ELANE: variants seen among roughly 807,000 people sequenced by gnomAD.
ELANE encodes the protein neutrophil elastase.
A neutral mutation model predicts 20.6 loss-of-function variants in ELANE; 12 were observed. That is an observed-to-expected ratio of 0.58 (90% CI 0.37 to 0.94). ELANE has a LOEUF of 0.94. Among genes scored for constraint, ELANE ranks in the 40% least tolerant of loss-of-function variants. ELANE has a pLI of 0.01. For synonymous variants in ELANE, 203 were observed against 177.4 expected, an observed-to-expected ratio of 1.14 and a Z score of -1.15; for missense variants, 388 against 395.2, an observed-to-expected ratio of 0.98 and a Z score of 0.15.
intron 3 of ELANE, among the ~76,000 whole-genome samples, chr19:854,299 T>A (rs928612724): frequency 6.6e-6 from 1 of 151,276 alleles, no homozygotes; most frequent in Non-Finnish European, 1.5e-5. Context: ...AAAAAAAAAA[T>A]TAGCCGAGTG....
intron 2 of ELANE, 41 bp downstream of exon 2, chr19:853,073 G>T: frequency 2.0e-6 from 3 of 1,528,158 alleles, no homozygotes; most frequent in Non-Finnish European, 2.6e-6. Context: ...CGGACCCCGC[G>T]TCCCGGTCTG....
intron 2 of ELANE, 66 bp downstream of exon 2, chr19:853,098 G>T: frequency 6.6e-7 from 1 of 1,516,554 alleles, no homozygotes. Flanking sequence ...GTGGGTGGGG[G>T]GAGGCCGGGG....
Position 855,875 on chromosome 19 carries a change from G to C in ELANE, c.597+81G>C, listed in dbSNP as rs569826547. ...AACAGGCACCGTGGCTAGACCCTAG[G>C]AGGGACTTCCCAACCCTGACAGGCG... On this transcript the variant is annotated intron_variant, in intron 4 of 4. Coordinates refer to ENST00000263621, the MANE Select transcript of ELANE (RefSeq NM_001972.4). This position sits in a 1 kb window ranked among gnomAD's most constrained non-coding sequence, Gnocchi z 6.2. 1 of 1,605,546 alleles carries C rather than the reference G, an allele frequency of 6.2e-7. No homozygotes were observed. The highest frequency in any genetic ancestry group is 8.5e-7 in the Non-Finnish European group (1 of 1,177,830).
intron 3 of ELANE, among the ~76,000 whole-genome samples, chr19:854,628 G>C (rs1005041908): frequency 2.7e-5 from 4 of 148,268 alleles, no homozygotes; most frequent in Non-Finnish European, 3.0e-5. Context: ...GGTCCACCAC[G>C]TCTGGCTAAT....
In ELANE at chr19:853,268, C is replaced by T. The variant is rs1211839395; in HGVS notation, c.231C>T (p.Val77=). The T allele has an allele frequency of 3.7e-6, 6 of 1,601,582 alleles. No homozygotes were observed. The highest frequency in any genetic ancestry group is 5.1e-6 in the Non-Finnish European group (6 of 1,174,856). Reference sequence around the variant, plus strand: ...GCCTCTCCCTCCCCGGCAGAAACGTCCGCGCGGTGCGGGTGGTCCTGGGAG... The same window carrying T: ...GCCTCTCCCTCCCCGGCAGAAACGTTCGCGCGGTGCGGGTGGTCCTGGGAG... ...SAAHCVANVN[V]RAVRVVLGAH... Residue 77 remains valine (V), a synonymous_variant, in exon 3 of 5, where the codon GTC becomes GTT. Transcript: ENST00000263621.
rs1434116451 is a variant in ELANE, at chr19:855,098, C to T, written c.367-466C>T. On this transcript the variant is annotated intron_variant, in intron 3 of 4. Coordinates refer to ENST00000263621, the MANE Select transcript of ELANE (RefSeq NM_001972.4). This position sits in a 1 kb window ranked among gnomAD's most constrained non-coding sequence, Gnocchi z 6.2. The stretch of plus-strand genomic sequence containing the variant: ...TTGATCTCCTGACCTTTTGATTGGC[C>T]CACCTCAGCCTCCCAAAATGCTGGG... Among the ~76,000 whole-genome samples, 1 of 152,052 alleles carries T rather than the reference C, an allele frequency of 6.6e-6. No individual in the cohort carries two copies. Among genetic ancestry groups the T allele is most frequent in the Non-Finnish European group, 1.5e-5 (1 of 68,022 alleles).
In ELANE at chr19:853,371, G is replaced by A. The variant is rs369606303; in HGVS notation, c.334G>A (p.Val112Ile). 13 of 1,610,996 alleles carry A rather than the reference G, an allele frequency of 8.1e-6. No individual in the cohort carries two copies. The highest frequency in any genetic ancestry group is 3.3e-5 in the Admixed American group (2 of 59,870). ...QRIFENGYDP[V>I]NLLNDIVILQ... Reference sequence around the variant, plus strand: ...CATCTTCGAAAACGGCTACGACCCCGTAAACTTGCTCAACGACATCGTGAT... The same window carrying A: ...CATCTTCGAAAACGGCTACGACCCCATAAACTTGCTCAACGACATCGTGAT... The change falls in exon 3 of 5, where the codon GTA becomes ATA. Residue 112 changes from valine (V) to isoleucine (I), a missense_variant. By Grantham distance (29) the Val-to-Ile change is conservative (BLOSUM62 3). Coordinates refer to ENST00000263621, the MANE Select transcript of ELANE (RefSeq NM_001972.4).
chr19:855,073 T>C lies in ELANE; in HGVS notation c.367-491T>C, dbSNP rs1286748329. Among the ~76,000 whole-genome samples, 1 of 152,064 alleles carries C rather than the reference T, an allele frequency of 6.6e-6. No individual in the cohort carries two copies. The highest frequency in any genetic ancestry group is 1.5e-5 in the Non-Finnish European group (1 of 68,014). ...TTTAACCATGTTAGCCAGGATGGTC[T>C]TGATCTCCTGACCTTTTGATTGGCC... On this transcript the variant is annotated intron_variant, in intron 3 of 4. Coordinates refer to ENST00000263621, the MANE Select transcript of ELANE (RefSeq NM_001972.4). The surrounding 1 kb of genome is among the most constrained non-coding windows in gnomAD (Gnocchi z 6.2).
intron 1 of ELANE, among the ~76,000 whole-genome samples, 195 bp downstream of exon 1, chr19:852,590 G>A (rs903635012): frequency 7.7e-6 from 1 of 129,808 alleles, no homozygotes; most frequent in African/African-American, 3.1e-5. Flanking sequence ...TTTGAAAACC[G>A]GGGAGGGGGG....
rs1477643766 is a variant in ELANE at position 852,392 on chromosome 19, G to C, written c.64G>C (p.Gly22Arg). 6.2e-7 allele frequency: 1 copy of C among 1,611,232 alleles called. No individual in the cohort carries two copies. The highest frequency in any genetic ancestry group is 1.7e-5 in the Admixed American group (1 of 59,980). Residue 22 changes from glycine (G) to arginine (R), a missense_variant, in exon 1 of 5, where the codon GGG becomes CGG. Gly to Arg is a moderately radical substitution (Grantham distance 125, BLOSUM62 -2). Transcript: ENST00000263621. ...CTGTGTCCTGCCGGCCTTGCTGCTG[G>C]GGGGTGAGTTTTTGAGTCCAACCTC... The part of the protein sequence containing the change: ...LACVLPALLL[G>R]GTALASEIVG...
intron 3 of ELANE, among the ~76,000 whole-genome samples, chr19:854,071 G>A (rs2035636019): frequency 6.6e-6 from 1 of 152,238 alleles, no homozygotes; most frequent in Non-Finnish European, 1.5e-5. Flanking sequence ...TGTGGCCCAG[G>A]GCAGGGGCCG....
In ELANE at chr19:856,204, C is replaced by G. The variant is rs1366725236; in HGVS notation, c.*40C>G. On this transcript the variant is annotated 3_prime_UTR_variant, in exon 5 of 5. Coordinates refer to ENST00000263621, the MANE Select transcript of ELANE (RefSeq NM_001972.4). ...GTCACCTCAGCTGCCCACACCCACA[C>G]TCTCCAGCATCTGGCACAATAAACA... is the stretch of plus-strand genomic sequence containing the variant. 2 of 1,600,076 alleles carry G rather than the reference C, an allele frequency of 1.2e-6. No individual in the cohort carries two copies. Among genetic ancestry groups the G allele is most frequent in the African/African-American group, 1.3e-5 (1 of 74,660 alleles).
rs2035680454 is a variant in ELANE at position 856,224 on chromosome 19, T to TA, written c.*63dup. 7 of 1,585,914 alleles carry TA rather than the reference T, an allele frequency of 4.4e-6. No individual in the cohort carries two copies. The highest frequency in any genetic ancestry group is 5.2e-6 in the Non-Finnish European group (6 of 1,156,322). ...CCACACTCTCCAGCATCTGGCACAA[T>TA]AAACATTCTCTGTTTTGTAGAATGT... On this transcript the variant is annotated 3_prime_UTR_variant, in exon 5 of 5. Transcript: ENST00000263621.
Position 853,044 on chromosome 19 carries a change from G to A in ELANE, c.224+12G>A. 1 of 1,551,116 alleles carries A rather than the reference G, an allele frequency of 6.4e-7. No individual in the cohort carries two copies. Among genetic ancestry groups the A allele is most frequent in the Non-Finnish European group, 8.7e-7 (1 of 1,155,598 alleles). ...TGCGTGGCGAATGTGTGAGTAGCCG[G>A]GAGTGTGCGCGCCCGGCTCGGACCC... On this transcript the variant is annotated intron_variant, in intron 2 of 4. Coordinates refer to ENST00000263621, the MANE Select transcript of ELANE (RefSeq NM_001972.4).
At position 856,093 on chromosome 19, in the gene ELANE, A is replaced by G. The variant is rs767887706; in HGVS notation, c.733A>G (p.Ile245Val). ...ACAGTTTGTAAACTGGATCGACTCTATCATCCAACGCTCCGAGGACAACCC... is the reference window on the plus strand; with the variant it reads ...ACAGTTTGTAAACTGGATCGACTCTGTCATCCAACGCTCCGAGGACAACCC... ...VAQFVNWIDS[I>V]IQRSEDNPCP... The change falls in exon 5 of 5, where the codon ATC (isoleucine) becomes GTC (valine). Residue 245 changes from isoleucine to valine, a missense_variant. By Grantham distance (29) the Ile-to-Val change is conservative. Around this residue, in one of 3 missense-constraint regions of ELANE, gnomAD observed 321 missense variants for 309.8 expected, o/e 1.04. Transcript: ENST00000263621. 15 of 1,613,226 alleles carry G rather than the reference A, an allele frequency of 9.3e-6. No individual in the cohort carries two copies. The South Asian group carries it at 1.6e-4, about 18-fold the overall frequency.
chr19:852,752 G>C (rs1232316482), intron 1 of ELANE, 124 bp from the exon 2 acceptor site: 8 of 1,334,564 alleles, frequency 6.0e-6, no homozygotes, highest in Non-Finnish European at 7.9e-6. Context: ...TTCCCGGTGG[G>C]GGATCCCGTG....
rs918362119 is a variant in ELANE at position 852,325 on chromosome 19, C to G, written c.-4C>G. On this transcript the variant is annotated 5_prime_UTR_variant, in exon 1 of 5. Transcript: ENST00000263621. ...GGCAGAGACCCCGGAGCCCCAGCCC[C>G]ACCATGACCCTCGGCCGCCGACTCG... 3 of 1,608,680 alleles carry G rather than the reference C, an allele frequency of 1.9e-6. No homozygotes were observed. The highest frequency in any genetic ancestry group is 2.5e-6 in the Non-Finnish European group (3 of 1,179,772).
At position 855,895 on chromosome 19, in the gene ELANE, C is replaced by G; in HGVS notation, c.598-63C>G. 2 of 1,608,480 alleles carry G rather than the reference C, an allele frequency of 1.2e-6. No individual in the cohort carries two copies. Among genetic ancestry groups the G allele is most frequent in the South Asian group, 2.2e-5 (2 of 90,960 alleles). ...CCTAGGAGGGACTTCCCAACCCTGA[C>G]AGGCGGCGGGCAGGTGGGCAGGGCC... is the stretch of plus-strand genomic sequence containing the variant. On this transcript the variant is annotated intron_variant, in intron 4 of 4. Coordinates refer to ENST00000263621, the MANE Select transcript of ELANE (RefSeq NM_001972.4). This position sits in a 1 kb window ranked among gnomAD's most constrained non-coding sequence, Gnocchi z 6.2.
Position 852,355 on chromosome 19 carries a change from T to G in ELANE, c.27T>G (p.Cys9Trp), listed in dbSNP as rs1402628228. The G allele has an allele frequency of 6.2e-7, 1 of 1,611,164 alleles. No homozygotes were observed. Among genetic ancestry groups the G allele is most frequent in the Non-Finnish European group, 8.5e-7 (1 of 1,179,952 alleles). The change falls in exon 1 of 5, where the codon TGT becomes TGG. Residue 9 changes from cysteine to tryptophan, a missense_variant. Cys to Trp is a radical substitution (Grantham distance 215). Coordinates refer to ENST00000263621, the MANE Select transcript of ELANE (RefSeq NM_001972.4). MTLGRRLA[C>W]LFLACVLPAL... ...TGACCCTCGGCCGCCGACTCGCGTG[T>G]CTTTTCCTCGCCTGTGTCCTGCCGG...
Sources: allele counts gnomAD v4.1 joint callset (sites outside exome capture counted in the v4.1 genomes callset), GRCh38; gene constraint gnomAD v4.1.1; regional missense constraint gnomAD v4.1.1; non-coding constraint Gnocchi (gnomAD v3.1); transcripts MANE v1.5; gene names NCBI Gene and HGNC (gene_info 2026-07-23, HGNC 2026-07-21).